KCNQ3: variants seen among roughly 807,000 people sequenced by gnomAD.
KCNQ3 encodes potassium voltage-gated channel subfamily KQT member 3.
Under a neutral mutation model 92.5 loss-of-function variants are expected in KCNQ3, and 30 were observed. That is an observed-to-expected ratio of 0.32 (90% CI 0.24 to 0.44). The LOEUF is 0.44. Among genes scored for constraint, KCNQ3 ranks in the 20% least tolerant of loss-of-function variants. The pLI is 1.00. For missense variants in KCNQ3, 913 were observed against 1,140.3 expected (o/e 0.80, Z 2.87); for synonymous variants, 450 against 468.8 (o/e 0.96, Z 0.52).
At chr8:132,168,672 A>G (rs1826210298) in intron 8 of KCNQ3, among the ~76,000 whole-genome samples, 1 of 151,296 alleles carries the variant, frequency 6.6e-6, no homozygotes, top group Non-Finnish European at 1.5e-5. Flanking sequence ...TTCTATTTCC[A>G]TAATCTGGAG....
intron 1 of KCNQ3, among the ~76,000 whole-genome samples, chr8:132,388,231 T>C (rs1819948645): frequency 6.6e-6 from 1 of 152,228 alleles, no homozygotes. Context: ...ATAGTCGTTG[T>C]TTGCTCGTTA....
At chr8:132,411,835 C>T (rs911345829) in intron 1 of KCNQ3, among the ~76,000 whole-genome samples, 5 of 152,144 alleles carry the variant, frequency 3.3e-5, no homozygotes, top group African/African-American at 1.2e-4. Context: ...TTTCTTTGAC[C>T]ATGGAGGGAT....
chr8:132,379,019 A>C (rs1408793035), intron 1 of KCNQ3, among the ~76,000 whole-genome samples: 2 of 152,236 alleles, frequency 1.3e-5, no homozygotes, highest in Non-Finnish European at 2.9e-5. Context: ...GAGTTAACCA[A>C]GCCAGGACTT....
At chr8:132,263,903 C>T (rs1422842142) in intron 1 of KCNQ3, among the ~76,000 whole-genome samples, 2 of 152,178 alleles carry the variant, frequency 1.3e-5, no homozygotes, top group Admixed American at 1.3e-4. Context: ...TGAGCCACCT[C>T]TTGTCTCACC....
intron 1 of KCNQ3, among the ~76,000 whole-genome samples, chr8:132,321,946 G>A (rs551805429): frequency 6.6e-6 from 1 of 152,320 alleles, no homozygotes; most frequent in Non-Finnish European, 1.5e-5. Flanking sequence ...CCCAATGGAG[G>A]AGGAGGTGCT....
chr8:132,430,795 TAAATG>T (rs949494042), intron 1 of KCNQ3, among the ~76,000 whole-genome samples: 2 of 152,140 alleles, frequency 1.3e-5, no homozygotes, highest in African/African-American at 4.8e-5. Flanking sequence ...CAAAAGCTAA[TAAATG>T]AACACATCTC....
In KCNQ3 at chr8:132,181,961, C is replaced by T. The variant is rs747190285; in HGVS notation, c.605-1632G>A. 3.3e-5 allele frequency among the ~76,000 whole-genome samples: 5 copies of T among 151,248 alleles called. No individual in the cohort carries two copies. In the East Asian group the frequency reaches 5.9e-4, roughly 18 times the overall value. On this transcript the variant is annotated intron_variant, in intron 3 of 14. Transcript: ENST00000388996. ...TTGGGAGGCTGAGGCAGGAGAATGG[C>T]GTGAACCCAGGAGGTGGAGCTTGCA...
chr8:132,403,032 A>AAAAAAAAAAAAAAAAAAAAAAAAT (rs61533581), intron 1 of KCNQ3, among the ~76,000 whole-genome samples: 2 of 148,662 alleles, frequency 1.3e-5, no homozygotes, highest in Non-Finnish European at 3.0e-5. Flanking sequence ...AAAAAAAAAA[A>AAAAAAAAAAAAAAAAAAAAAAAAT]GTGTCAATAT....
intron 1 of KCNQ3, among the ~76,000 whole-genome samples, chr8:132,443,301 G>A (rs1355216449): frequency 4.0e-5 from 6 of 151,378 alleles, no homozygotes; most frequent in African/African-American, 1.5e-4. Flanking sequence ...AGGAGTATTC[G>A]CTCTGGCTTT....
intron 1 of KCNQ3, among the ~76,000 whole-genome samples, chr8:132,441,874 A>G (rs1398569400): frequency 6.6e-6 from 1 of 152,202 alleles, no homozygotes; most frequent in Non-Finnish European, 1.5e-5. Flanking sequence ...GTACATATAC[A>G]CCACGGAATA....
chr8:132,365,319 G>A (rs1292568708), intron 1 of KCNQ3, among the ~76,000 whole-genome samples: 9 of 152,258 alleles, frequency 5.9e-5, no homozygotes, highest in African/African-American at 2.2e-4. Flanking sequence ...TGAGAGGCGT[G>A]TTAGACGCCT....
At chr8:132,450,470 G>A (rs1362045982) in intron 1 of KCNQ3, among the ~76,000 whole-genome samples, 4 of 152,072 alleles carry the variant, frequency 2.6e-5, no homozygotes, top group East Asian at 3.9e-4. Context: ...GTCCCCACTC[G>A]ACCCAGGAAG....
intron 1 of KCNQ3, among the ~76,000 whole-genome samples, chr8:132,474,471 A>G (rs1822364317): frequency 1.3e-5 from 2 of 152,304 alleles, no homozygotes; most frequent in East Asian, 1.9e-4. Flanking sequence ...CCCTCACTCA[A>G]GTTAAAGCAT....
chr8:132,416,662 GT>G (rs1820817043), intron 1 of KCNQ3, among the ~76,000 whole-genome samples: 1 of 152,086 alleles, frequency 6.6e-6, no homozygotes, highest in Admixed American at 6.6e-5. Context: ...TACTCAAGAG[GT>G]GTATACATCC....
At chr8:132,345,535 T>C (rs1197444317) in intron 1 of KCNQ3, among the ~76,000 whole-genome samples, 1 of 152,222 alleles carries the variant, frequency 6.6e-6, no homozygotes, top group Non-Finnish European at 1.5e-5. Flanking sequence ...ACAGTTGTAA[T>C]AAACAGTATG....
At chr8:132,212,789 C>A (rs747955236) in intron 1 of KCNQ3, among the ~76,000 whole-genome samples, 6 of 152,314 alleles carry the variant, frequency 3.9e-5, no homozygotes, top group Admixed American at 1.3e-4. Context: ...GTCACTATCC[C>A]CCTAGCCTGT....
intron 1 of KCNQ3, among the ~76,000 whole-genome samples, chr8:132,328,600 T>C (rs1348479899): frequency 6.6e-6 from 1 of 152,140 alleles, no homozygotes; most frequent in African/African-American, 2.4e-5. Flanking sequence ...ACTCTCCACC[T>C]CAAGTCTTGT....
intron 9 of KCNQ3, among the ~76,000 whole-genome samples, chr8:132,146,054 G>C (rs1825438405): frequency 6.6e-6 from 1 of 152,244 alleles, no homozygotes; most frequent in African/African-American, 2.4e-5. Flanking sequence ...ATAAGTCAGA[G>C]ACTTTAGAAA....
Position 132,320,904 on chromosome 8 carries a change from A to C in KCNQ3, c.387-134723T>G, listed in dbSNP as rs191859061. ...CAGTGAGAACTTCCTTTTCACCCAC[A>C]GTCCTTAGGGTTTTTCAGCTCTAGC... On this transcript the variant is annotated intron_variant, in intron 1 of 14. Transcript: ENST00000388996. Among the ~76,000 whole-genome samples, 634 of 152,298 alleles carry C rather than the reference A, an allele frequency of 4.2e-3. 1 individual carries two copies. Among genetic ancestry groups the C allele is most frequent in the Non-Finnish European group, 7.5e-3 (512 of 68,024 alleles).
Sources: gnomAD v4.1 joint callset for allele counts (sites outside exome capture counted in the v4.1 genomes callset) on GRCh38, gnomAD v4.1.1 for gene constraint, MANE v1.5 for transcripts, NCBI Gene and HGNC (gene_info 2026-07-23, HGNC 2026-07-21) for gene names.